The following VILL variants were observed in gnomAD, a reference collection of about 807,000 sequenced individuals.
The protein encoded by VILL is villin-like protein.
VILL carries 102 observed loss-of-function variants against 106.3 expected under a neutral mutation model. The ratio of observed to expected loss-of-function variants is 0.96; its 90% CI spans 0.82 to 1.13. The LOEUF (loss-of-function observed/expected upper bound fraction) is 1.13. Among genes scored for constraint, VILL ranks in the 50% most tolerant of loss-of-function variants. The pLI is 0.00. For missense variants in VILL, 1,076 were observed against 1,116.6 expected, an observed-to-expected ratio of 0.96 and a Z score of 0.52; for synonymous variants, 431 against 440.3, an observed-to-expected ratio of 0.98 and a Z score of 0.27.
chr3:37,999,042 G>A lies in VILL; in HGVS notation c.1073G>A (p.Gly358Asp). 1 of 1,573,740 alleles carries A rather than the reference G, an allele frequency of 6.4e-7. No homozygotes were observed. The highest frequency in any genetic ancestry group is 8.6e-7 in the Non-Finnish European group (1 of 1,156,342). The change falls in exon 10 of 20, where the codon GGC (glycine) becomes GAC (aspartate). Residue 358 changes from glycine to aspartate, a missense_variant. By Grantham distance (94) the Gly-to-Asp change is moderately conservative (BLOSUM62 -1). Coordinates refer to ENST00000383759, the MANE Select transcript of VILL (RefSeq NM_015873.4). The part of the protein sequence containing the change: ...SEKRRRNQKL[G>D]GRDKSIHVKL... ...AAGCGGCGCAGGAACCAGAAGCTCG[G>A]CGGGAGGGGTGAGCGGGCGGGGCGG... is the stretch of plus-strand genomic sequence containing the variant.
chr3:38,001,544 A>G lies in VILL; in HGVS notation c.1271A>G (p.Tyr424Cys). ...GCAGGCAACTGCTACCTTGTGCTCT[A>G]CACATACCAGAGGCTGGGCCGTGTC... ...LCAGNCYLVL[Y>C]TYQRLGRVQY... Residue 424 changes from tyrosine (Y) to cysteine (C), a missense_variant, in exon 12 of 20, where the codon TAC (tyrosine) becomes TGC (cysteine). By Grantham distance (194) the Tyr-to-Cys change is radical (BLOSUM62 -2). Coordinates refer to ENST00000383759, the MANE Select transcript of VILL (RefSeq NM_015873.4). 1 of 1,614,204 alleles carries G rather than the reference A, an allele frequency of 6.2e-7. No individual in the cohort carries two copies. Among genetic ancestry groups the G allele is most frequent in the Non-Finnish European group, 8.5e-7 (1 of 1,180,024 alleles).
chr3:38,002,455 G>A lies in VILL; in HGVS notation c.1539G>A (p.Val513=). The stretch of plus-strand genomic sequence containing the variant: ...CATCCACCACAAGGCTTTTCCAAGT[G>A]CAAGGCACTGACAGCCACAACACCA... The part of the protein sequence containing the change: ...QSASTTRLFQ[V]QGTDSHNTRT... Residue 513 remains valine, a synonymous_variant, in exon 14 of 20, where the codon GTG becomes GTA. Transcript: ENST00000383759. The A allele has an allele frequency of 6.2e-7, 1 of 1,614,136 alleles. No homozygotes were observed.
chr3:37,993,936 G>T lies in VILL; in HGVS notation c.99G>T (p.Gly33=). The T allele has an allele frequency of 6.2e-7, 1 of 1,614,194 alleles. No homozygotes were observed. The highest frequency in any genetic ancestry group is 8.5e-7 in the Non-Finnish European group (1 of 1,180,040). The part of the protein sequence containing the change: ...KMVPVPEGAY[G]NFFEEHCYVI... ...TGCCGGTACCCGAGGGGGCTTACGG[G>T]AACTTTTTTGAGGAACACTGCTATG... Residue 33 remains glycine (G), a synonymous_variant, in exon 3 of 20, where the codon GGG becomes GGT. Transcript: ENST00000383759.
chr3:38,001,157 T>C (rs1699807624), intron 11 of VILL: 2 of 544,666 alleles, frequency 3.7e-6, no homozygotes, highest in Admixed American at 2.7e-5. Flanking sequence ...GGGACTGAAC[T>C]GCCCCTAACC....
intron 5 of VILL, among the ~76,000 whole-genome samples, chr3:37,996,305 T>C (rs1699700343): frequency 6.6e-6 from 1 of 152,172 alleles, no homozygotes; most frequent in Admixed American, 6.5e-5. Flanking sequence ...ACACACATTG[T>C]CATTGTCACC....
Position 37,994,431 on chromosome 3 carries a change from C to T in VILL, c.306C>T (p.Ser102=). ...VLHREAQGHE[S]DCFCSYFRPG... ...ACCGCGAGGCGCAGGGCCACGAGTC[C>T]GACTGCTTCTGCAGCTACTTCCGCC... Residue 102 remains serine, a synonymous_variant, in exon 4 of 20, where the codon TCC becomes TCT. Coordinates refer to ENST00000383759, the MANE Select transcript of VILL (RefSeq NM_015873.4). The T allele has an allele frequency of 6.2e-7, 1 of 1,612,652 alleles. No individual in the cohort carries two copies. The highest frequency in any genetic ancestry group is 8.5e-7 in the Non-Finnish European group (1 of 1,179,862).
chr3:38,005,463 TTC>T (rs1402746275), intron 16 of VILL, among the ~76,000 whole-genome samples: 3 of 152,240 alleles, frequency 2.0e-5, no homozygotes, highest in African/African-American at 4.8e-5. Context: ...TTTGTCCATT[TTC>T]TTTCATTGTT....
Position 38,001,690 on chromosome 3 carries a change from C to T in VILL, c.1321-12C>T, listed in dbSNP as rs1348245334. On this transcript the variant is annotated splice_polypyrimidine_tract_variant and intron_variant, in intron 12 of 19. Transcript: ENST00000383759. ...GCTGGGCCAGGCCCTCACTCACTGC[C>T]CCCACCTGCAGGGCCACCAGGCCAC... The T allele has an allele frequency of 6.2e-7, 1 of 1,613,986 alleles. No individual in the cohort carries two copies. The highest frequency in any genetic ancestry group is 1.3e-5 in the African/African-American group (1 of 74,946).
chr3:37,993,665 G>A lies in VILL; in HGVS notation c.-8G>A. ...CTTGTGTCGTCCCATATTCCTGCCT[G>A]GCCTGCGATGGACATCAGCAAGGGC... On this transcript the variant is annotated 5_prime_UTR_variant, in exon 2 of 20. Transcript: ENST00000383759. 1.2e-6 allele frequency: 2 copies of A among 1,613,804 alleles called. No individual in the cohort carries two copies. The highest frequency in any genetic ancestry group is 1.7e-6 in the Non-Finnish European group (2 of 1,179,824).
At chr3:38,001,026 T>C in intron 11 of VILL, 1 of 463,306 alleles carries the variant, frequency 2.2e-6, no homozygotes, top group South Asian at 1.5e-5. Context: ...CCCTTCAGTC[T>C]TTGAACAGGC....
chr3:37,999,634 C>T (rs372063663), intron 11 of VILL, among the ~76,000 whole-genome samples, 195 bp downstream of exon 11: 11 of 152,300 alleles, frequency 7.2e-5, no homozygotes, highest in Non-Finnish European at 1.3e-4. Flanking sequence ...TCATACACAG[C>T]CACGGGCACT....
chr3:38,003,835 C>T lies in VILL; in HGVS notation c.1806-420C>T, dbSNP rs545165507. 13 of 190,588 alleles carry T rather than the reference C, an allele frequency of 6.8e-5. No homozygotes were observed. In the South Asian group the frequency reaches 1.0e-3, roughly 15 times the overall value. The allele number at this position is 190,588 out of a possible 1,614,324, so 11.8% of individuals were successfully genotyped here. ...CCTGTGGGGCTTGGTTTATGTGCTG[C>T]ACTCCCCACAATTCTCCTGAGCTCA... is the stretch of plus-strand genomic sequence containing the variant. On this transcript the variant is annotated intron_variant, in intron 15 of 19. Transcript: ENST00000383759.
intron 1 of VILL, among the ~76,000 whole-genome samples, chr3:37,991,968 G>A (rs1429957582): frequency 6.6e-6 from 1 of 152,132 alleles, no homozygotes; most frequent in Non-Finnish European, 1.5e-5. Flanking sequence ...TGGCAGCTGA[G>A]GGCTTGGCTC....
rs1237626288 is a variant in VILL, at chr3:37,993,967, C to T, written c.130C>T (p.Leu44Phe). Residue 44 changes from leucine (L) to phenylalanine (F), a missense_variant, in exon 3 of 20, where the codon CTC becomes TTC. By Grantham distance (22) the Leu-to-Phe change is conservative. Transcript: ENST00000383759. ...NFFEEHCYVI[L>F]HVPQSPKATQ... ...TTTTGAGGAACACTGCTATGTCATC[C>T]TCCACGTGAGTCGCTTGGGGAAGTC... 5 of 1,614,090 alleles carry T rather than the reference C, an allele frequency of 3.1e-6. No homozygotes were observed. The highest frequency in any genetic ancestry group is 2.2e-5 in the South Asian group (2 of 91,096).
chr3:38,003,334 G>A (rs759037264), intron 15 of VILL, 21 bp downstream of exon 15: 6 of 1,587,744 alleles, frequency 3.8e-6, no homozygotes, highest in Admixed American at 1.8e-5. Context: ...TGGGAGGAGA[G>A]TGTTCTTACC....
chr3:37,998,133 A>G lies in VILL; in HGVS notation c.808A>G (p.Thr270Ala). 2 of 1,612,554 alleles carry G rather than the reference A, an allele frequency of 1.2e-6. No individual in the cohort carries two copies. The change falls in exon 8 of 20, where the codon ACC becomes GCC. Residue 270 changes from threonine (T) to alanine (A), a missense_variant. Thr to Ala is a moderately conservative substitution (Grantham distance 58). Coordinates refer to ENST00000383759, the MANE Select transcript of VILL (RefSeq NM_015873.4). The surrounding 1 kb of genome is among the most constrained non-coding windows in gnomAD (Gnocchi z 4.1). The stretch of plus-strand genomic sequence containing the variant: ...AGACCTGGTGGTCCTGGAGTTGGCG[A>G]CCCCCCCACTGACCCAGGACCTGCT... ...GKDLVVLELA[T>A]PPLTQDLLQE...
rs2125532105 is a variant in VILL at position 37,997,390 on chromosome 3, C to T, written c.562-93C>T. On this transcript the variant is annotated intron_variant, in intron 6 of 19. Coordinates refer to ENST00000383759, the MANE Select transcript of VILL (RefSeq NM_015873.4). This position sits in a 1 kb window ranked among gnomAD's most constrained non-coding sequence, Gnocchi z 4.7. ...ATGAGGGGACATCAGCCCTTCTCCC[C>T]ATCAGCCTCTGGGAGCTGAGCAGTG... is the stretch of plus-strand genomic sequence containing the variant. The T allele has an allele frequency of 7.1e-7, 1 of 1,402,096 alleles. No individual in the cohort carries two copies. Among genetic ancestry groups the T allele is most frequent in the Non-Finnish European group, 9.9e-7 (1 of 1,012,544 alleles). 86.9% of individuals were successfully genotyped at this position (1,402,096 alleles called of 1,614,324 possible).
chr3:38,005,572 T>C (rs571114900), intron 16 of VILL, among the ~76,000 whole-genome samples: 16 of 151,656 alleles, frequency 1.1e-4, no homozygotes, highest in African/African-American at 3.9e-4. Flanking sequence ...AAAAAAAAAA[T>C]GTGTGGATTG....
intron 17 of VILL, 71 bp from the exon 18 acceptor site, chr3:38,006,110 C>T: frequency 1.9e-6 from 3 of 1,608,054 alleles, no homozygotes; most frequent in Non-Finnish European, 2.6e-6. Context: ...TGTCCTCAGG[C>T]CCCTCATGTG....
Sources: allele counts gnomAD v4.1 joint callset (sites outside exome capture counted in the v4.1 genomes callset), GRCh38; gene constraint gnomAD v4.1.1; non-coding constraint Gnocchi (gnomAD v3.1); transcripts MANE v1.5; gene names NCBI Gene and HGNC (gene_info 2026-07-23, HGNC 2026-07-21).